Variants in ARSB observed in about 807,000 individuals in gnomAD.
The protein encoded by ARSB is N-acetylgalactosamine-4-sulfatase.
In ARSB, 41 loss-of-function variants were observed where a neutral mutation model predicts 50.9. The observed-to-expected ratio is 0.81, with a 90% confidence interval of 0.63 to 1.04. ARSB has a LOEUF of 1.04. ARSB is among the 50% of genes least tolerant of loss of function. ARSB has a pLI of 0.00. For missense variants in ARSB, 672 were observed against 693.3 expected, an observed-to-expected ratio of 0.97 and a Z score of 0.35; for synonymous variants, 269 against 284.8, an observed-to-expected ratio of 0.94 and a Z score of 0.56.
chr5:78,929,675 C>T (rs1330673434), intron 4 of ARSB, among the ~76,000 whole-genome samples: 1 of 151,834 alleles, frequency 6.6e-6, no homozygotes, highest in Non-Finnish European at 1.5e-5. Context: ...TGCCTGTAAT[C>T]CCAGCTACTA....
Position 78,839,337 on chromosome 5 carries a change from G to A in ARSB, c.1213+19C>T, listed in dbSNP as rs1561450469. 6.2e-7 allele frequency: 1 copy of A among 1,607,636 alleles called. No homozygotes were observed. The highest frequency in any genetic ancestry group is 2.2e-5 in the East Asian group (1 of 44,838). On this transcript the variant is annotated intron_variant, in intron 6 of 7. Coordinates refer to ENST00000264914, the MANE Select transcript of ARSB (RefSeq NM_000046.5). ...TGGGCCAATTAGATTTAATCTAGTAGCAATGCACTGGTACTCACACGGTGA... is the reference window on the plus strand; with the variant it reads ...TGGGCCAATTAGATTTAATCTAGTAACAATGCACTGGTACTCACACGGTGA...
chr5:78,820,999 T>C (rs894746424), intron 6 of ARSB, among the ~76,000 whole-genome samples: 2 of 151,306 alleles, frequency 1.3e-5, no homozygotes, highest in Non-Finnish European at 2.9e-5. Context: ...AAAAGTATTG[T>C]ACACACCACT....
chr5:78,915,671 G>A (rs1749518242), intron 4 of ARSB, among the ~76,000 whole-genome samples: 1 of 152,140 alleles, frequency 6.6e-6, no homozygotes, highest in African/African-American at 2.4e-5. Context: ...AAGTGTTTGG[G>A]ATTTAAAATT....
chr5:78,864,239 A>G (rs758062693), intron 5 of ARSB, among the ~76,000 whole-genome samples: 1 of 152,138 alleles, frequency 6.6e-6, no homozygotes, highest in Non-Finnish European at 1.5e-5. Flanking sequence ...GACAATTTAC[A>G]AAAGAAAGAG....
chr5:78,850,216 A>C lies in ARSB; in HGVS notation c.1143-10790T>G, dbSNP rs955689176. ...GGGTTTGTCATAGATAGCTCTTATT[A>C]TTTTGAGATACGTCCCATCAATACC... On this transcript the variant is annotated intron_variant, in intron 5 of 7. Transcript: ENST00000264914. Among the ~76,000 whole-genome samples, 288 of 152,312 alleles carry C rather than the reference A, an allele frequency of 1.9e-3. 2 individuals are homozygous for C. In the East Asian group the frequency reaches 0.029, roughly 15 times the overall value.
intron 3 of ARSB, among the ~76,000 whole-genome samples, chr5:78,959,257 G>T (rs1338211979): frequency 6.6e-6 from 1 of 151,812 alleles, no homozygotes; most frequent in Non-Finnish European, 1.5e-5. Flanking sequence ...CCACACCATT[G>T]TAAGTTTCCT....
At chr5:78,821,263 G>A (rs1744209670) in intron 6 of ARSB, among the ~76,000 whole-genome samples, 1 of 152,138 alleles carries the variant, frequency 6.6e-6, no homozygotes, top group African/African-American at 2.4e-5. Flanking sequence ...AGCCTCCTGA[G>A]TAGCTGGGAT....
intron 4 of ARSB, among the ~76,000 whole-genome samples, chr5:78,927,041 C>T (rs1371189723): frequency 6.6e-6 from 1 of 152,126 alleles, no homozygotes; most frequent in Non-Finnish European, 1.5e-5. Context: ...GCCATCACAC[C>T]CAGCTAATTT....
At chr5:78,920,165 T>C (rs947425445) in intron 4 of ARSB, among the ~76,000 whole-genome samples, 16 of 152,214 alleles carry the variant, frequency 1.1e-4, no homozygotes, top group Admixed American at 1.0e-3. Flanking sequence ...AGAAAAGAAA[T>C]TGGGTGGCTG....
intron 6 of ARSB, among the ~76,000 whole-genome samples, chr5:78,803,140 G>A (rs1743455927): frequency 6.6e-6 from 1 of 152,252 alleles, no homozygotes; most frequent in South Asian, 2.1e-4. Context: ...CAGATGAAGA[G>A]CAGGCCCTGT....
intron 1 of ARSB, among the ~76,000 whole-genome samples, chr5:78,971,785 G>A (rs113997305): frequency 1.3e-3 from 196 of 152,314 alleles, no homozygotes; most frequent in Middle Eastern, 6.8e-3. Context: ...GAGGATGATA[G>A]TTAAGTTCAC....
At chr5:78,848,726 C>G (rs915187351) in intron 5 of ARSB, among the ~76,000 whole-genome samples, 3 of 152,228 alleles carry the variant, frequency 2.0e-5, no homozygotes, top group Non-Finnish European at 4.4e-5. Context: ...TCCTCTCTAG[C>G]ACCTGTTGTT....
At chr5:78,815,944 A>G (rs1743969194) in intron 6 of ARSB, 3 of 1,536,630 alleles carry the variant, frequency 2.0e-6, no homozygotes, top group East Asian at 2.4e-5. Flanking sequence ...CACTTTTCCT[A>G]TGATGCCAGG....
intron 4 of ARSB, among the ~76,000 whole-genome samples, chr5:78,900,774 T>G (rs1222538227): frequency 6.6e-6 from 1 of 152,172 alleles, no homozygotes; most frequent in Non-Finnish European, 1.5e-5. Flanking sequence ...GCGCAGTAGC[T>G]CACGCCTGTA....
chr5:78,939,335 G>A (rs61240255), intron 4 of ARSB, among the ~76,000 whole-genome samples: 1,636 of 151,228 alleles, frequency 0.011, 35 homozygotes, highest in African/African-American at 0.037. Context: ...TAACGTGCAG[G>A]TTTGTTACAT....
intron 6 of ARSB, among the ~76,000 whole-genome samples, chr5:78,786,712 T>C (rs539478247): frequency 6.5e-4 from 99 of 152,310 alleles, no homozygotes; most frequent in African/African-American, 1.9e-3. Context: ...CTTAAACTCC[T>C]AGGCTCAAGC....
At position 78,964,447 on chromosome 5, in the gene ARSB, A is replaced by G. The variant is rs928876619; in HGVS notation, c.659T>C (p.Ile220Thr). The change falls in exon 3 of 8, where the codon ATA becomes ACA. Residue 220 changes from isoleucine to threonine, a missense_variant. Transcript: ENST00000264914. ...YSTNIFTKRA[I>T]ALITNHPPEK... ...TGGTGGATGGTTAGTTATGAGGGCTATAGCCCTTTTGGTGAATATGTTTGT... is the reference window on the plus strand; with the variant it reads ...TGGTGGATGGTTAGTTATGAGGGCTGTAGCCCTTTTGGTGAATATGTTTGT... 7 of 1,613,952 alleles carry G rather than the reference A, an allele frequency of 4.3e-6. No homozygotes were observed. The highest frequency in any genetic ancestry group is 5.9e-6 in the Non-Finnish European group (7 of 1,179,922).
At chr5:78,862,999 G>T (rs1746524650) in intron 5 of ARSB, among the ~76,000 whole-genome samples, 1 of 152,098 alleles carries the variant, frequency 6.6e-6, no homozygotes, top group South Asian at 2.1e-4. Flanking sequence ...ACAGACGCAT[G>T]AAAAAAATGC....
intron 5 of ARSB, among the ~76,000 whole-genome samples, chr5:78,852,259 C>CA (rs1372224228): frequency 1.3e-5 from 2 of 152,164 alleles, no homozygotes; most frequent in Non-Finnish European, 2.9e-5. Flanking sequence ...CTGGTGGTGA[C>CA]AAAATCTCTC....
Sources: allele counts gnomAD v4.1 joint callset (sites outside exome capture counted in the v4.1 genomes callset), GRCh38; gene constraint gnomAD v4.1.1; transcripts MANE v1.5; gene names NCBI Gene and HGNC (gene_info 2026-07-23, HGNC 2026-07-21).